PTPRK: variants seen among roughly 807,000 people sequenced by gnomAD.
PTPRK encodes receptor-type tyrosine-protein phosphatase kappa.
A neutral mutation model predicts 178.0 loss-of-function variants in PTPRK; 75 were observed. The ratio of observed to expected loss-of-function variants is 0.42; its 90% CI spans 0.35 to 0.51. The LOEUF is 0.51. Ranked by LOEUF, PTPRK falls within the 20% of genes least tolerant of loss-of-function variation. The probability of loss-of-function intolerance (pLI) is 0.02; values close to 1 mark genes in which losing one functional copy is unlikely to be tolerated. For missense variants in PTPRK, 1,441 were observed against 1,797.8 expected (o/e 0.80, Z 3.59); for synonymous variants, 637 against 620.6 (o/e 1.03, Z -0.39).
chr6:128,514,116 T>C (rs1857575479), intron 1 of PTPRK, among the ~76,000 whole-genome samples: 1 of 152,152 alleles, frequency 6.6e-6, no homozygotes, highest in South Asian at 2.1e-4. Context: ...TGGGAAGGGT[T>C]TATATTAATA....
intron 13 of PTPRK, among the ~76,000 whole-genome samples, chr6:128,019,492 A>G (rs1249660257): frequency 6.6e-6 from 1 of 152,124 alleles, no homozygotes; most frequent in Non-Finnish European, 1.5e-5. Context: ...GGATAGACAA[A>G]TGAATGGAAT....
intron 2 of PTPRK, among the ~76,000 whole-genome samples, chr6:128,393,089 C>CTT (rs755172831): frequency 2.6e-4 from 32 of 124,898 alleles, no homozygotes; most frequent in Non-Finnish European, 3.9e-4. Flanking sequence ...TTCATAAGGA[C>CTT]TTTTTTTTTT....
intron 2 of PTPRK, 73 bp from the exon 3 acceptor site, chr6:128,322,383 C>A: frequency 7.3e-7 from 1 of 1,369,800 alleles, no homozygotes; most frequent in Admixed American, 2.1e-5. Flanking sequence ...TAAAAATATG[C>A]TAATCCATTC....
At chr6:128,059,784 C>T (rs1425686520) in intron 13 of PTPRK, among the ~76,000 whole-genome samples, 2 of 152,162 alleles carry the variant, frequency 1.3e-5, no homozygotes, top group Non-Finnish European at 2.9e-5. Flanking sequence ...GAATCATCTT[C>T]AGGTCCGTTC....
intron 7 of PTPRK, among the ~76,000 whole-genome samples, chr6:128,104,840 C>G (rs1260372810): frequency 6.6e-6 from 1 of 151,986 alleles, no homozygotes; most frequent in African/African-American, 2.4e-5. Flanking sequence ...ATTAGAATAA[C>G]AAAAATGTCA....
At chr6:128,021,212 C>A (rs2114761449) in intron 13 of PTPRK, among the ~76,000 whole-genome samples, 1 of 152,282 alleles carries the variant, frequency 6.6e-6, no homozygotes, top group East Asian at 1.9e-4. Context: ...TTCACAATTT[C>A]TAATTCTCAA....
intron 2 of PTPRK, among the ~76,000 whole-genome samples, chr6:128,342,117 G>A (rs1204060644): frequency 2.0e-5 from 3 of 151,998 alleles, no homozygotes; most frequent in Non-Finnish European, 4.4e-5. Context: ...GCTGGGTGTG[G>A]TGGCACATGC....
At chr6:128,423,689 G>C (rs1843754003) in intron 1 of PTPRK, among the ~76,000 whole-genome samples, 2 of 151,856 alleles carry the variant, frequency 1.3e-5, no homozygotes, top group Non-Finnish European at 2.9e-5. Flanking sequence ...TTAGCCAGGA[G>C]GGGTGGTACA....
intron 1 of PTPRK, among the ~76,000 whole-genome samples, chr6:128,439,752 C>T (rs1334211176): frequency 6.6e-6 from 1 of 152,184 alleles, no homozygotes; most frequent in East Asian, 1.9e-4. Context: ...TTCTAAACAT[C>T]TGAATGGTTC....
chr6:128,182,148 G>A (rs1802016867), intron 7 of PTPRK, among the ~76,000 whole-genome samples: 1 of 152,062 alleles, frequency 6.6e-6, no homozygotes, highest in Non-Finnish European at 1.5e-5. Context: ...AATACTGTTG[G>A]GAGTAAAACT....
At chr6:128,157,581 T>C (rs1000118697) in intron 7 of PTPRK, among the ~76,000 whole-genome samples, 9 of 152,032 alleles carry the variant, frequency 5.9e-5, no homozygotes, top group African/African-American at 2.2e-4. Flanking sequence ...TTGCATTAAA[T>C]ATAAATACTC....
At position 128,519,080 on chromosome 6, in the gene PTPRK, C is replaced by A. The variant is rs780013995; in HGVS notation, c.100+1179G>T. On this transcript the variant is annotated intron_variant, in intron 1 of 29. Coordinates refer to ENST00000368226, the MANE Select transcript of PTPRK (RefSeq NM_002844.4). This position sits in a 1 kb window ranked among gnomAD's most constrained non-coding sequence, Gnocchi z 4.3. ...CGTCTTCTCCATCACCCTCTGGCCACCACTGCGTCTCCATCTGCACCGCGA... is the reference window on the plus strand; with the variant it reads ...CGTCTTCTCCATCACCCTCTGGCCAACACTGCGTCTCCATCTGCACCGCGA... The A allele has an allele frequency of 1.9e-6, 1 of 532,650 alleles. No individual in the cohort carries two copies. The highest frequency in any genetic ancestry group is 1.4e-5 in the South Asian group (1 of 71,228). 33.0% of individuals were successfully genotyped at this position (532,650 alleles called of 1,614,324 possible). A position where few individuals can be genotyped will look rare whatever the true frequency, so the allele number is the denominator to read the frequency against.
intron 1 of PTPRK, among the ~76,000 whole-genome samples, chr6:128,502,550 T>C (rs936988551): frequency 6.6e-6 from 1 of 152,196 alleles, no homozygotes; most frequent in Non-Finnish European, 1.5e-5. Context: ...CACACCCATA[T>C]GCCAAATTAT....
chr6:128,349,423 T>C (rs1202184392), intron 2 of PTPRK, among the ~76,000 whole-genome samples: 1 of 152,088 alleles, frequency 6.6e-6, no homozygotes, highest in African/African-American at 2.4e-5. Context: ...TTCATTGTAG[T>C]TTAATGCTTT....
rs528275994 is a variant in PTPRK at position 128,297,535 on chromosome 6, A to C, written c.495+24504T>G. Among the ~76,000 whole-genome samples the C allele has an allele frequency of 8.5e-5, 13 of 152,360 alleles. No individual in the cohort carries two copies. In the South Asian group the frequency reaches 2.5e-3, roughly 29 times the overall value. On this transcript the variant is annotated intron_variant, in intron 3 of 29. Transcript: ENST00000368226. Reference sequence around the variant, plus strand: ...ATTATAACAAACTGTCTCTCAGACCACAGTGCAATCAAACTAGAACTCAGC... The same window carrying C: ...ATTATAACAAACTGTCTCTCAGACCCCAGTGCAATCAAACTAGAACTCAGC...
At chr6:128,375,211 A>G (rs576935727) in intron 2 of PTPRK, among the ~76,000 whole-genome samples, 3 of 151,622 alleles carry the variant, frequency 2.0e-5, no homozygotes, top group Admixed American at 6.6e-5. Context: ...CACAAACTGT[A>G]TAAGTTTGTT....
intron 1 of PTPRK, among the ~76,000 whole-genome samples, chr6:128,421,461 G>T (rs9375565): frequency 0.95 from 144,928 of 152,280 alleles, 69,050 homozygotes; most frequent in East Asian, 1. Context: ...TTAAAAGTGT[G>T]TATTATTTAT....
intron 7 of PTPRK, among the ~76,000 whole-genome samples, chr6:128,104,324 T>G (rs1184380167): frequency 6.6e-6 from 1 of 152,176 alleles, no homozygotes; most frequent in Non-Finnish European, 1.5e-5. Context: ...CCTCCCAGGT[T>G]CTCGCCATTC....
At chr6:128,110,367 C>G (rs1002210215) in intron 7 of PTPRK, among the ~76,000 whole-genome samples, 1 of 152,100 alleles carries the variant, frequency 6.6e-6, no homozygotes, top group African/African-American at 2.4e-5. Flanking sequence ...AGGAGCCATA[C>G]AATGTGGAAA....
Sources: gnomAD v4.1 joint callset for allele counts (sites outside exome capture counted in the v4.1 genomes callset) on GRCh38, gnomAD v4.1.1 for gene constraint, Gnocchi (gnomAD v3.1) non-coding constraint, MANE v1.5 for transcripts, NCBI Gene and HGNC (gene_info 2026-07-23, HGNC 2026-07-21) for gene names.